The following AUTS2 variants were observed in gnomAD, a reference collection of about 807,000 sequenced individuals.
AUTS2 encodes the protein activator of transcription and developmental regulator AUTS2, also known as autism susceptibility gene 2 protein.
A neutral mutation model predicts 112.4 loss-of-function variants in AUTS2; 17 were observed. The observed-to-expected ratio is 0.15, with a 90% CI of 0.10 to 0.23. The LOEUF is 0.23. Among genes scored for constraint, AUTS2 ranks in the 10% least tolerant of loss-of-function variants. AUTS2 has a pLI of 1.00. For synonymous variants in AUTS2, 751 were observed against 702.7 expected, an observed-to-expected ratio of 1.07 and a Z score of -1.09; for missense variants, 1,510 against 1,701.6, an observed-to-expected ratio of 0.89 and a Z score of 1.98.
intron 4 of AUTS2, among the ~76,000 whole-genome samples, chr7:70,220,967 C>T (rs1466467357): frequency 1.3e-5 from 2 of 152,206 alleles, no homozygotes; most frequent in South Asian, 4.1e-4. Flanking sequence ...TGGTCTCGCT[C>T]TGTCACCCAG....
At chr7:69,804,477 G>A (rs1790215239) in intron 1 of AUTS2, among the ~76,000 whole-genome samples, 1 of 152,188 alleles carries the variant, frequency 6.6e-6, no homozygotes, top group Non-Finnish European at 1.5e-5. Context: ...AGTTTAGGGT[G>A]GATTTGAAGT....
intron 4 of AUTS2, among the ~76,000 whole-genome samples, chr7:70,317,372 G>A (rs112029483): frequency 0.026 from 3,949 of 152,180 alleles, 87 homozygotes; most frequent in Middle Eastern, 0.044. Context: ...AGACATTTTC[G>A]TCCAACAATA....
At chr7:70,558,701 C>T (rs1007058924) in intron 5 of AUTS2, among the ~76,000 whole-genome samples, 1 of 152,172 alleles carries the variant, frequency 6.6e-6, no homozygotes, top group Admixed American at 6.5e-5. Flanking sequence ...TGAAAATGTA[C>T]TTATGAGAAA....
intron 2 of AUTS2, among the ~76,000 whole-genome samples, chr7:69,933,356 T>G (rs185687298): frequency 6.6e-6 from 1 of 152,232 alleles, no homozygotes; most frequent in East Asian, 1.9e-4. Context: ...AGAATGTTTA[T>G]GTAATAGATT....
In AUTS2 at chr7:70,117,104, G is replaced by GTTTTTT. The variant is rs61076536; in HGVS notation, c.523-1021_523-1016dup. Among the ~76,000 whole-genome samples, 21 of 78,430 alleles carry GTTTTTT rather than the reference G, an allele frequency of 2.7e-4. 2 individuals are homozygous for GTTTTTT. The highest frequency in any genetic ancestry group is 9.2e-4 in the African/African-American group (19 of 20,696). The allele number at this position is 78,430 out of a possible 152,430, so 51.5% of individuals were successfully genotyped here. A position where few individuals can be genotyped will look rare whatever the true frequency, so the allele number is the denominator to read the frequency against. On this transcript the variant is annotated intron_variant, in intron 2 of 18. Coordinates refer to ENST00000342771, the MANE Select transcript of AUTS2 (RefSeq NM_015570.4). ...ACGTAAACTTCATGAGATGACTTTTGTTTTTTTTTTTTGTTTTTTTTTGTT... is the reference window on the plus strand; with the variant it reads ...ACGTAAACTTCATGAGATGACTTTTGTTTTTTTTTTTTTTTTTTGTTTTTTTTTGTT...
chr7:70,644,723 A>G (rs1347759811), intron 5 of AUTS2, among the ~76,000 whole-genome samples: 1 of 152,066 alleles, frequency 6.6e-6, no homozygotes, highest in Non-Finnish European at 1.5e-5. Flanking sequence ...GAAGCCTTCC[A>G]GAATCATCCC....
At chr7:69,678,658 C>T (rs777278540) in intron 1 of AUTS2, among the ~76,000 whole-genome samples, 4 of 152,144 alleles carry the variant, frequency 2.6e-5, no homozygotes, top group Non-Finnish European at 4.4e-5. Context: ...TCCAATCTCT[C>T]TCAACTTTTG....
chr7:70,615,365 T>C (rs955073678), intron 5 of AUTS2, among the ~76,000 whole-genome samples: 4 of 152,118 alleles, frequency 2.6e-5, no homozygotes, highest in African/African-American at 7.2e-5. Flanking sequence ...AGCACACCCA[T>C]TGCCAGATAC....
At chr7:70,748,070 C>T (rs915421276) in intron 6 of AUTS2, among the ~76,000 whole-genome samples, 5 of 149,354 alleles carry the variant, frequency 3.3e-5, no homozygotes, top group Non-Finnish European at 5.9e-5. Flanking sequence ...CCTCGTGATC[C>T]GCCCGTCTCA....
chr7:70,495,697 T>A (rs113029911), intron 5 of AUTS2, among the ~76,000 whole-genome samples: 98 of 9,140 alleles, frequency 0.011, no homozygotes, highest in African/African-American at 0.015. Context: ...ACGTACACAG[T>A]CACACACACA....
intron 7 of AUTS2, among the ~76,000 whole-genome samples, chr7:70,763,552 T>C (rs1258656477): frequency 3.3e-5 from 5 of 151,894 alleles, no homozygotes; most frequent in African/African-American, 1.2e-4. Flanking sequence ...GGTGAGGACA[T>C]TGTAAAGAAG....
chr7:70,586,193 G>A (rs1204068432), intron 5 of AUTS2, among the ~76,000 whole-genome samples: 1 of 152,118 alleles, frequency 6.6e-6, no homozygotes, highest in Non-Finnish European at 1.5e-5. Context: ...TCGAAACAAT[G>A]CTACATGGCA....
chr7:70,567,139 G>C (rs1192276461), intron 5 of AUTS2, among the ~76,000 whole-genome samples: 1 of 152,218 alleles, frequency 6.6e-6, no homozygotes, highest in African/African-American at 2.4e-5. Flanking sequence ...ATTGCTAGAA[G>C]CAAAATATCA....
intron 4 of AUTS2, among the ~76,000 whole-genome samples, chr7:70,414,770 T>C (rs892078839): frequency 2.0e-5 from 3 of 152,300 alleles, no homozygotes; most frequent in African/African-American, 7.2e-5. Flanking sequence ...AGGATCTATT[T>C]AGGGGAAAAA....
chr7:70,059,531 A>G (rs557241137), intron 2 of AUTS2, among the ~76,000 whole-genome samples: 6 of 152,202 alleles, frequency 3.9e-5, no homozygotes, highest in Non-Finnish European at 5.9e-5. Context: ...AGATTTATCA[A>G]TATTACAGAG....
At chr7:69,750,492 AGT>A (rs1787691955) in intron 1 of AUTS2, among the ~76,000 whole-genome samples, 1 of 150,380 alleles carries the variant, frequency 6.6e-6, no homozygotes, top group African/African-American at 2.4e-5. Context: ...TAGTAGTAGT[AGT>A]AGTAGTAGCA....
At chr7:69,837,994 A>G (rs1330259997) in intron 1 of AUTS2, among the ~76,000 whole-genome samples, 1 of 152,084 alleles carries the variant, frequency 6.6e-6, no homozygotes, top group East Asian at 1.9e-4. Context: ...TCTTGATGGC[A>G]TGGATTGTTT....
intron 5 of AUTS2, among the ~76,000 whole-genome samples, chr7:70,665,052 G>A (rs1355432323): frequency 6.6e-6 from 1 of 152,010 alleles, no homozygotes. Flanking sequence ...CAGCCTGAGC[G>A]ACAGAGAGAG....
At chr7:70,123,887 A>G (rs1805820568) in intron 3 of AUTS2, among the ~76,000 whole-genome samples, 1 of 152,068 alleles carries the variant, frequency 6.6e-6, no homozygotes, top group East Asian at 1.9e-4. Flanking sequence ...TGCTGGGTCA[A>G]ATGGTAGTTA....
Sources: allele counts gnomAD v4.1 joint callset (sites outside exome capture counted in the v4.1 genomes callset), GRCh38; gene constraint gnomAD v4.1.1; transcripts MANE v1.5; gene names NCBI Gene and HGNC (gene_info 2026-07-23, HGNC 2026-07-21).